The following TNFRSF11A variants were observed in gnomAD, a reference collection of about 807,000 sequenced individuals.
The protein encoded by TNFRSF11A is tumor necrosis factor receptor superfamily member 11A.
A neutral mutation model predicts 55.7 loss-of-function variants in TNFRSF11A; 32 were observed. That is an observed-to-expected ratio of 0.57 (90% CI 0.43 to 0.77). The LOEUF is 0.77. Among genes scored for constraint, TNFRSF11A ranks in the 30% least tolerant of loss-of-function variants. The pLI is 0.00. For missense variants in TNFRSF11A, 753 were observed against 809.8 expected (o/e 0.93, Z 0.85); for synonymous variants, 311 against 331.0 (o/e 0.94, Z 0.65).
chr18:62,384,485 CT>C (rs1319996442), intron 9 of TNFRSF11A, among the ~76,000 whole-genome samples: 2 of 148,682 alleles, frequency 1.3e-5, no homozygotes, highest in Non-Finnish European at 3.0e-5. Context: ...CCCTTCCCCC[CT>C]CCCTCCTCCA....
chr18:62,369,065 A>G lies in TNFRSF11A; in HGVS notation c.1148A>G (p.Asn383Ser). Reference protein sequence around the residue: ...PFSEPLEVGENDSLSQCFTGT... With the variant: ...PFSEPLEVGESDSLSQCFTGT... Reference sequence around the variant, plus strand: ...TCTGAACCCCTGGAGGTGGGGGAGAATGACAGTTTAAGCCAGTGCTTCACG... The same window carrying G: ...TCTGAACCCCTGGAGGTGGGGGAGAGTGACAGTTTAAGCCAGTGCTTCACG... The change falls in exon 9 of 10, where the codon AAT (asparagine) becomes AGT (serine). Residue 383 changes from asparagine (N) to serine (S), a missense_variant. Asn to Ser is a conservative substitution (Grantham distance 46). Coordinates refer to ENST00000586569, the MANE Select transcript of TNFRSF11A (RefSeq NM_003839.4). 6.2e-7 allele frequency: 1 copy of G among 1,614,180 alleles called. No individual in the cohort carries two copies. The highest frequency in any genetic ancestry group is 1.1e-5 in the South Asian group (1 of 91,092).
chr18:62,351,005 T>TTC (rs2046461877), intron 3 of TNFRSF11A, among the ~76,000 whole-genome samples: 1 of 145,664 alleles, frequency 6.9e-6, no homozygotes. Flanking sequence ...TTTCTTTCTT[T>TTC]TTTTTTTTTT....
At chr18:62,382,756 C>G (rs1378039067) in intron 9 of TNFRSF11A, among the ~76,000 whole-genome samples, 2 of 152,118 alleles carry the variant, frequency 1.3e-5, no homozygotes, top group African/African-American at 2.4e-5. Context: ...CACCACCACA[C>G]CAGTTGAACA....
In TNFRSF11A at chr18:62,369,207, T is replaced by C; in HGVS notation, c.1290T>C (p.His430=). Residue 430 remains histidine, a synonymous_variant, in exon 9 of 10, where the codon CAT becomes CAC. Transcript: ENST00000586569. ...NYLQKEVDSG[H]CPHWAASPSP... Reference sequence around the variant, plus strand: ...TGCAAAAAGAGGTGGACAGTGGCCATTGCCCGCACTGGGCAGCCAGCCCCA... The same window carrying C: ...TGCAAAAAGAGGTGGACAGTGGCCACTGCCCGCACTGGGCAGCCAGCCCCA... 6.2e-7 allele frequency: 1 copy of C among 1,613,954 alleles called. No individual in the cohort carries two copies. Among genetic ancestry groups the C allele is most frequent in the South Asian group, 1.1e-5 (1 of 91,092 alleles).
At chr18:62,379,999 G>C (rs1392756580) in intron 9 of TNFRSF11A, among the ~76,000 whole-genome samples, 2 of 152,234 alleles carry the variant, frequency 1.3e-5, no homozygotes, top group Non-Finnish European at 2.9e-5. Context: ...AGTTCCCAGA[G>C]TAATGCTCCT....
intron 1 of TNFRSF11A, chr18:62,336,320 C>T (rs1232659899): frequency 2.0e-5 from 3 of 152,208 alleles, no homozygotes; most frequent in Admixed American, 1.3e-4. Context: ...TCAGGTGATT[C>T]TGCGCACATT....
intron 2 of TNFRSF11A, among the ~76,000 whole-genome samples, 157 bp downstream of exon 2, chr18:62,348,406 C>T (rs1378363235): frequency 6.6e-6 from 1 of 152,118 alleles, no homozygotes; most frequent in East Asian, 1.9e-4. Flanking sequence ...AAATCTTTCT[C>T]TCAATAGAGA....
intron 6 of TNFRSF11A, 130 bp from the exon 7 acceptor site, chr18:62,361,549 TG>T: frequency 3.5e-6 from 3 of 861,872 alleles, no homozygotes; most frequent in Non-Finnish European, 4.0e-6. Flanking sequence ...CAGCCAAGGG[TG>T]GGGACTGTCA....
chr18:62,347,020 T>C (rs529725547), intron 1 of TNFRSF11A, among the ~76,000 whole-genome samples: 26 of 152,334 alleles, frequency 1.7e-4, no homozygotes, highest in African/African-American at 6.0e-4. Flanking sequence ...TTCTGTTTCC[T>C]GGTCTGGCTG....
chr18:62,383,508 G>C lies in TNFRSF11A; in HGVS notation c.1568-1243G>C, dbSNP rs1911441092. Among the ~76,000 whole-genome samples, 1 of 152,132 alleles carries C rather than the reference G, an allele frequency of 6.6e-6. No individual in the cohort carries two copies. Among genetic ancestry groups the C allele is most frequent in the African/African-American group, 2.4e-5 (1 of 41,396 alleles). On this transcript the variant is annotated intron_variant, in intron 9 of 9. Transcript: ENST00000586569. The surrounding 1 kb of genome is among the most constrained non-coding windows in gnomAD (Gnocchi z 4.2). Reference sequence around the variant, plus strand: ...GGGGTGAATCGTGAGGAGCCATTTTGACATTCCTGGCCCCTGATCAAATGG... The same window carrying C: ...GGGGTGAATCGTGAGGAGCCATTTTCACATTCCTGGCCCCTGATCAAATGG...
chr18:62,369,054 G>A lies in TNFRSF11A; in HGVS notation c.1137G>A (p.Glu379=), dbSNP rs1910313232. 1.2e-6 allele frequency: 2 copies of A among 1,614,220 alleles called. No individual in the cohort carries two copies. Among genetic ancestry groups the A allele is most frequent in the Non-Finnish European group, 1.7e-6 (2 of 1,180,052 alleles). ...CACCTCCTTTCTCTGAACCCCTGGA[G>A]GTGGGGGAGAATGACAGTTTAAGCC... ...KSTPPFSEPL[E]VGENDSLSQC... The change falls in exon 9 of 10, where the codon GAG becomes GAA. Residue 379 remains glutamate (E), a synonymous_variant. Transcript: ENST00000586569.
intron 1 of TNFRSF11A, among the ~76,000 whole-genome samples, chr18:62,338,666 G>C (rs1433491769): frequency 1.3e-5 from 2 of 152,144 alleles, no homozygotes; most frequent in Non-Finnish European, 2.9e-5. Context: ...GCTTGAGGGA[G>C]GGGGAATGGG....
chr18:62,346,080 A>G (rs1452299489), intron 1 of TNFRSF11A, among the ~76,000 whole-genome samples: 1 of 152,194 alleles, frequency 6.6e-6, no homozygotes, highest in Non-Finnish European at 1.5e-5. Context: ...GGGATATCCC[A>G]TTTACCAAAT....
rs993062525 is a variant in TNFRSF11A, at chr18:62,385,080, G to A, written c.*46G>A. 2.1e-6 allele frequency: 3 copies of A among 1,432,300 alleles called. No individual in the cohort carries two copies. Among genetic ancestry groups the A allele is most frequent in the African/African-American group, 1.5e-5 (1 of 66,686 alleles). The allele number at this position is 1,432,300 out of a possible 1,614,324, so 88.7% of individuals were successfully genotyped here. A position where few individuals can be genotyped will look rare whatever the true frequency, so the allele number is the denominator to read the frequency against. ...CCCGAAGCTCGGAGCCAGGGCTCGC[G>A]AGGGCAGCACCGCAGCCTCTGCCCC... On this transcript the variant is annotated 3_prime_UTR_variant, in exon 10 of 10. Coordinates refer to ENST00000586569, the MANE Select transcript of TNFRSF11A (RefSeq NM_003839.4).
At chr18:62,362,334 TA>T (rs141159971) in intron 7 of TNFRSF11A, among the ~76,000 whole-genome samples, 4,867 of 151,770 alleles carry the variant, frequency 0.032, 113 homozygotes, top group Middle Eastern at 0.078. Context: ...GTACTAAAAA[TA>T]CAAAATTAGC....
intron 1 of TNFRSF11A, among the ~76,000 whole-genome samples, chr18:62,343,173 C>T (rs2046337480): frequency 6.6e-6 from 1 of 152,178 alleles, no homozygotes; most frequent in East Asian, 1.9e-4. Flanking sequence ...AAATTTGATA[C>T]CATCCTTACT....
rs1050857500 is a variant in TNFRSF11A, at chr18:62,357,926, G to A, written c.428-322G>A. The A allele has an allele frequency of 7.0e-5, 23 of 328,028 alleles. No homozygotes were observed. The Admixed American group carries it at 7.6e-4, about 11-fold the overall frequency. 20.3% of individuals were successfully genotyped at this position (328,028 alleles called of 1,614,324 possible). A position where few individuals can be genotyped will look rare whatever the true frequency, so the allele number is the denominator to read the frequency against. On this transcript the variant is annotated intron_variant, in intron 4 of 9. Transcript: ENST00000586569. ...CAAAGTGTCGGTGACCAGGGGAGTG[G>A]CTCAGAACAACAAAGGGTCATGACC...
intron 1 of TNFRSF11A, among the ~76,000 whole-genome samples, chr18:62,346,230 G>A (rs1434812298): frequency 3.9e-5 from 6 of 152,290 alleles, no homozygotes; most frequent in Admixed American, 3.9e-4. Flanking sequence ...TATTTATCCT[G>A]TTTGCCTTGT....
In TNFRSF11A at chr18:62,385,042, C is replaced by G. The variant is rs1911617892; in HGVS notation, c.*8C>G. ...GGCGGGGCCAAGGCTTGAGCGCCCC[C>G]CATGGCTGGGAGCCCGAAGCTCGGA... On this transcript the variant is annotated 3_prime_UTR_variant, in exon 10 of 10. Coordinates refer to ENST00000586569, the MANE Select transcript of TNFRSF11A (RefSeq NM_003839.4). 3 of 1,468,232 alleles carry G rather than the reference C, an allele frequency of 2.0e-6. No individual in the cohort carries two copies. Among genetic ancestry groups the G allele is most frequent in the East Asian group, 2.8e-5 (1 of 35,812 alleles). 91.0% of individuals were successfully genotyped at this position (1,468,232 alleles called of 1,614,324 possible). A position where few individuals can be genotyped will look rare whatever the true frequency, so the allele number is the denominator to read the frequency against.
Sources: gnomAD v4.1 joint callset for allele counts (sites outside exome capture counted in the v4.1 genomes callset) on GRCh38, gnomAD v4.1.1 for gene constraint, Gnocchi (gnomAD v3.1) non-coding constraint, MANE v1.5 for transcripts, NCBI Gene and HGNC (gene_info 2026-07-23, HGNC 2026-07-21) for gene names.